The following C2CD3 variants were observed in gnomAD, a reference collection of about 807,000 sequenced individuals.
C2CD3 encodes C2 domain containing 3 centriole elongation regulator.
Under a neutral mutation model 234.0 loss-of-function variants are expected in C2CD3, and 148 were observed. That is an observed-to-expected ratio of 0.63 (90% CI 0.55 to 0.72). C2CD3 has a LOEUF of 0.72. Ranked by LOEUF, C2CD3 falls within the 30% of genes least tolerant of loss-of-function variation. The pLI is 0.00. For synonymous variants in C2CD3, 1,000 were observed against 1,035.4 expected (o/e 0.97, Z 0.66); for missense variants, 2,577 against 2,811.5 (o/e 0.92, Z 1.89).
intron 13 of C2CD3, among the ~76,000 whole-genome samples, chr11:74,105,919 T>C (rs958697977): frequency 6.6e-6 from 1 of 152,192 alleles, no homozygotes; most frequent in African/African-American, 2.4e-5. Flanking sequence ...AAATCTAAAC[T>C]CTTTACCTTT....
In C2CD3 at chr11:74,170,589, T is replaced by C. The variant is rs1299816175; in HGVS notation, c.55+149A>G. Reference sequence around the variant, plus strand: ...TCCTTTCTATTCTCTGGAGGGCCAATTGCCCTTCCTTTTAACCTTCTGGTT... The same window carrying C: ...TCCTTTCTATTCTCTGGAGGGCCAACTGCCCTTCCTTTTAACCTTCTGGTT... On this transcript the variant is annotated intron_variant, in intron 1 of 32. Transcript: ENST00000334126. 12 of 862,518 alleles carry C rather than the reference T, an allele frequency of 1.4e-5. No individual in the cohort carries two copies. The East Asian group carries it at 1.5e-4, about 11-fold the overall frequency. The allele number at this position is 862,518 out of a possible 1,614,324, so 53.4% of individuals were successfully genotyped here. A position where few individuals can be genotyped will look rare whatever the true frequency, so the allele number is the denominator to read the frequency against.
intron 2 of C2CD3, among the ~76,000 whole-genome samples, chr11:74,163,184 G>A (rs558102892): frequency 1.3e-5 from 2 of 152,272 alleles, no homozygotes; most frequent in South Asian, 2.1e-4. Context: ...ACTTGTGATT[G>A]TGTTCTGACT....
At chr11:74,113,733 T>C in intron 11 of C2CD3, 47 bp downstream of exon 11, 1 of 1,119,448 alleles carries the variant, frequency 8.9e-7, no homozygotes, top group Non-Finnish European at 1.4e-6. Flanking sequence ...CAAAAATTCT[T>C]CCAAAGTCAG....
chr11:74,013,568 C>T (rs1374076744), intron 32 of C2CD3, 43 bp from the exon 33 acceptor site: 8 of 1,183,054 alleles, frequency 6.8e-6, no homozygotes, highest in Admixed American at 4.1e-5. Context: ...GAGGATATGG[C>T]ACCACCAATG....
chr11:74,100,613 C>G lies in C2CD3; in HGVS notation c.2644G>C (p.Glu882Gln). 1 of 1,614,006 alleles carries G rather than the reference C, an allele frequency of 6.2e-7. No individual in the cohort carries two copies. Among genetic ancestry groups the G allele is most frequent in the Non-Finnish European group, 8.5e-7 (1 of 1,179,920 alleles). The change falls in exon 15 of 33, where the codon GAA becomes CAA. Residue 882 changes from glutamate (E) to glutamine (Q), a missense_variant. Physicochemically the swap from Glu to Gln is conservative, Grantham distance 29. Coordinates refer to ENST00000334126, the MANE Select transcript of C2CD3 (RefSeq NM_001286577.2). The stretch of plus-strand genomic sequence containing the variant: ...GGGCTCCGCACCTTATTCCAAGTTT[C>G]AATTACCATCACATTGTTCTTAAGC... Reference protein sequence around the residue: ...ERLKNNVMVIETWNKVRSPGQ... With the variant: ...ERLKNNVMVIQTWNKVRSPGQ...
chr11:74,087,301 C>T (rs1201308519), intron 20 of C2CD3, among the ~76,000 whole-genome samples: 7 of 152,012 alleles, frequency 4.6e-5, no homozygotes, highest in African/African-American at 7.2e-5. Context: ...CGGTGGCTCG[C>T]GCCTGTAATC....
intron 11 of C2CD3, among the ~76,000 whole-genome samples, chr11:74,113,026 G>T (rs1376726275): frequency 6.6e-6 from 1 of 152,186 alleles, no homozygotes; most frequent in Non-Finnish European, 1.5e-5. Context: ...ATGCAAAATT[G>T]CCAGGAAGTG....
At chr11:74,024,781 A>G (rs1952223119) in intron 32 of C2CD3, among the ~76,000 whole-genome samples, 2 of 152,046 alleles carry the variant, frequency 1.3e-5, no homozygotes, top group South Asian at 4.2e-4. Context: ...GCCAGCCAGG[A>G]GCGTAAGATT....
Position 74,146,657 on chromosome 11 carries a change from C to A in C2CD3, c.484-6829G>T, listed in dbSNP as rs1252744938. On this transcript the variant is annotated intron_variant, in intron 3 of 32. Coordinates refer to ENST00000334126, the MANE Select transcript of C2CD3 (RefSeq NM_001286577.2). ...GGCAACACTTTGCAAAGACAGATAA[C>A]CATAAAGCTATTTACTGTCTTATTT... is the stretch of plus-strand genomic sequence containing the variant. Among the ~76,000 whole-genome samples the A allele has an allele frequency of 2.0e-5, 3 of 148,492 alleles. No homozygotes were observed. In the Admixed American group the frequency reaches 2.0e-4, roughly 10 times the overall value.
rs1471300346 is a variant in C2CD3 at position 74,013,405 on chromosome 11, G to C, written c.7042C>G (p.Gln2348Glu). 1.6e-6 allele frequency: 2 copies of C among 1,218,452 alleles called. No homozygotes were observed. Among genetic ancestry groups the C allele is most frequent in the Non-Finnish European group, 2.2e-6 (2 of 922,230 alleles). The allele number at this position is 1,218,452 out of a possible 1,614,324, so 75.5% of individuals were successfully genotyped here. Reference protein sequence around the residue: ...TLRIARIFSSQYSQKD With the variant: ...TLRIARIFSSEYSQKD ...CTGCGTCAGTCTTTCTGGGAGTACT[G>C]AGAAGAAAATATCCGTGCAATCCTG... The change falls in exon 33 of 33, where the codon CAG becomes GAG. Residue 2348 changes from glutamine to glutamate, a missense_variant. Coordinates refer to ENST00000334126, the MANE Select transcript of C2CD3 (RefSeq NM_001286577.2).
At position 74,168,474 on chromosome 11, in the gene C2CD3, C is replaced by G. The variant is rs1590991247; in HGVS notation, c.195G>C (p.Trp65Cys). The G allele has an allele frequency of 1.9e-6, 3 of 1,614,200 alleles. No homozygotes were observed. The highest frequency in any genetic ancestry group is 3.3e-4 in the Middle Eastern group (2 of 6,062). Residue 65 changes from tryptophan (W) to cysteine (C), a missense_variant, in exon 2 of 33, where the codon TGG (tryptophan) becomes TGC (cysteine). Transcript: ENST00000334126. ...PPTCVLVRVR[W>C]WGETSDGTLF... ...GGGTTCCATCTGATGTTTCTCCCCA[C>G]CATCTCACTCGGACAAGTACACAAG...
chr11:74,074,820 C>T (rs1251901042), intron 23 of C2CD3, among the ~76,000 whole-genome samples: 1 of 152,218 alleles, frequency 6.6e-6, no homozygotes, highest in Non-Finnish European at 1.5e-5. Context: ...AGTGTGGTGG[C>T]TCACACCTGT....
At chr11:74,036,618 G>A (rs1952756614) in intron 30 of C2CD3, 3 of 417,504 alleles carry the variant, frequency 7.2e-6, no homozygotes, top group African/African-American at 2.1e-5. Context: ...AAAAACAAGT[G>A]AGGGCTGAAG....
At position 74,109,076 on chromosome 11, in the gene C2CD3, G is replaced by A; in HGVS notation, c.1920C>T (p.Asn640=). ...TCTTTACATAAATTTGGAAAGTGAG[G>A]TTGGAATTCCACCAGTGCTCTATCA... is the stretch of plus-strand genomic sequence containing the variant. ...GPMIEHWWNS[N]LTFQIYVKKT... The change falls in exon 12 of 33, where the codon AAC becomes AAT. Residue 640 remains asparagine (N), a synonymous_variant. Coordinates refer to ENST00000334126, the MANE Select transcript of C2CD3 (RefSeq NM_001286577.2). 6.2e-7 allele frequency: 1 copy of A among 1,605,344 alleles called. No individual in the cohort carries two copies. The highest frequency in any genetic ancestry group is 8.5e-7 in the Non-Finnish European group (1 of 1,176,344).
At chr11:74,151,262 G>C (rs1418637384) in intron 3 of C2CD3, among the ~76,000 whole-genome samples, 2 of 151,604 alleles carry the variant, frequency 1.3e-5, no homozygotes, top group Non-Finnish European at 2.9e-5. Context: ...CATGTATTTA[G>C]TACTGAGAAG....
chr11:74,170,573 T>C (rs1857114755), intron 1 of C2CD3, among the ~76,000 whole-genome samples, 165 bp downstream of exon 1: 1 of 152,106 alleles, frequency 6.6e-6, no homozygotes, highest in Non-Finnish European at 1.5e-5. Context: ...TTCCTTTCTA[T>C]TCTCTGGAGG....
rs1167157362 is a variant in C2CD3, at chr11:74,066,274, A to ACATCACACACTG, written c.4951+7978_4951+7979insCAGTGTGTGATG. On this transcript the variant is annotated intron_variant, in intron 24 of 32. Transcript: ENST00000334126. Reference sequence around the variant, plus strand: ...AGAACACTTGGACACAGGAGGGGGGAGGGATAGTGTTAGGAGATATACCTA... The same window carrying ACATCACACACTG: ...AGAACACTTGGACACAGGAGGGGGGACATCACACACTGGGGATAGTGTTAGGAGATATACCTA... 8.9e-3 allele frequency among the ~76,000 whole-genome samples: 392 copies of ACATCACACACTG among 43,822 alleles called. 1 individual carries two copies. Among genetic ancestry groups the ACATCACACACTG allele is most frequent in the East Asian group, 0.012 (17 of 1,390 alleles). 28.7% of individuals were successfully genotyped at this position (43,822 alleles called of 152,430 possible).
At chr11:74,036,559 A>T (rs1161441047) in intron 30 of C2CD3, 7 of 454,936 alleles carry the variant, frequency 1.5e-5, no homozygotes, top group Middle Eastern at 3.2e-4. Context: ...TAGACAAAGA[A>T]AATTGAACTT....
chr11:74,100,621 A>G lies in C2CD3; in HGVS notation c.2636T>C (p.Met879Thr), dbSNP rs765863409. 1.9e-6 allele frequency: 3 copies of G among 1,614,042 alleles called. No homozygotes were observed. In the South Asian group the frequency reaches 3.3e-5, roughly 18 times the overall value. The change falls in exon 15 of 33, where the codon ATG (methionine) becomes ACG (threonine). Residue 879 changes from methionine (M) to threonine (T), a missense_variant. Met to Thr is a moderately conservative substitution (Grantham distance 81, BLOSUM62 -1). Transcript: ENST00000334126. The part of the protein sequence containing the change: ...KYLERLKNNV[M>T]VIETWNKVRS... ...CACCTTATTCCAAGTTTCAATTACCATCACATTGTTCTTAAGCCTTTCCAG... is the reference window on the plus strand; with the variant it reads ...CACCTTATTCCAAGTTTCAATTACCGTCACATTGTTCTTAAGCCTTTCCAG...
Sources: allele counts gnomAD v4.1 joint callset (sites outside exome capture counted in the v4.1 genomes callset), GRCh38; gene constraint gnomAD v4.1.1; transcripts MANE v1.5; gene names NCBI Gene and HGNC (gene_info 2026-07-23, HGNC 2026-07-21).